The following GRID2 variants were observed in gnomAD, a reference collection of about 807,000 sequenced individuals.
GRID2 encodes the protein glutamate ionotropic receptor delta type subunit 2.
In GRID2, 33 loss-of-function variants were observed where a neutral mutation model predicts 114.8. That is an observed-to-expected ratio of 0.29 (90% CI 0.22 to 0.38). The LOEUF is 0.38. GRID2 is among the 10% of genes least tolerant of loss of function. GRID2 has a pLI of 1.00. For missense variants in GRID2, 1,184 were observed against 1,257.7 expected (o/e 0.94, Z 0.89); for synonymous variants, 505 against 449.9 (o/e 1.12, Z -1.55).
chr4:93,596,556 C>T (rs150129008), intron 13 of GRID2, among the ~76,000 whole-genome samples: 4,977 of 149,848 alleles, frequency 0.033, 263 homozygotes, highest in African/African-American at 0.11. Context: ...CCAGCCTGGG[C>T]GACAGAGTGA....
chr4:93,615,294 T>G lies in GRID2; in HGVS notation c.2194-10975T>G, dbSNP rs1461906376. On this transcript the variant is annotated intron_variant, in intron 13 of 15. Transcript: ENST00000282020. ...ATTCATCATATAAGCTAAATATATCTAAGGTGTCCACCATTTTTAAACACT... is the reference window on the plus strand; with the variant it reads ...ATTCATCATATAAGCTAAATATATCGAAGGTGTCCACCATTTTTAAACACT... Among the ~76,000 whole-genome samples the G allele has an allele frequency of 2.0e-5, 3 of 152,240 alleles. No homozygotes were observed. In the East Asian group the frequency reaches 5.8e-4, roughly 29 times the overall value.
intron 2 of GRID2, among the ~76,000 whole-genome samples, chr4:92,622,216 TATAATAACCATTTC>T (rs1218253404): frequency 6.6e-6 from 1 of 151,788 alleles, no homozygotes; most frequent in East Asian, 1.9e-4. Flanking sequence ...TAAGAGATTT[TATAATAACCATTTC>T]ATATTTTCCT....
intron 9 of GRID2, among the ~76,000 whole-genome samples, chr4:93,405,224 A>G (rs1396787883): frequency 6.6e-6 from 1 of 152,052 alleles, no homozygotes; most frequent in Non-Finnish European, 1.5e-5. Context: ...TTATAAACAG[A>G]CTCTTAAAGA....
intron 4 of GRID2, among the ~76,000 whole-genome samples, chr4:93,200,332 C>T (rs531592069): frequency 6.6e-6 from 1 of 152,146 alleles, no homozygotes; most frequent in African/African-American, 2.4e-5. Context: ...TTTGGGAGGC[C>T]GAGGCGGGCG....
intron 1 of GRID2, among the ~76,000 whole-genome samples, chr4:92,377,997 A>C (rs1729436224): frequency 6.6e-6 from 1 of 151,976 alleles, no homozygotes; most frequent in Admixed American, 6.6e-5. Flanking sequence ...TGAGCTCATT[A>C]GTTTTTTTAC....
At chr4:93,097,380 A>C (rs1731315808) in intron 3 of GRID2, among the ~76,000 whole-genome samples, 1 of 152,110 alleles carries the variant, frequency 6.6e-6, no homozygotes, top group Non-Finnish European at 1.5e-5. Flanking sequence ...GAAATATCAT[A>C]ATTTTAAACT....
Position 92,691,324 on chromosome 4 carries a change from A to T in GRID2, c.244+101038A>T, listed in dbSNP as rs1237721260. Among the ~76,000 whole-genome samples the T allele has an allele frequency of 2.0e-5, 3 of 151,946 alleles. 1 individual carries two copies. The highest frequency in any genetic ancestry group is 2.0e-4 in the Admixed American group (3 of 15,236). ...GCTTTTGCTACTTTATTATGAAGAG[A>T]CTCCAGAGGAAACAAATAACACAAG... is the stretch of plus-strand genomic sequence containing the variant. On this transcript the variant is annotated intron_variant, in intron 2 of 15. Coordinates refer to ENST00000282020, the MANE Select transcript of GRID2 (RefSeq NM_001510.4).
At chr4:93,176,486 T>G (rs1338164359) in intron 4 of GRID2, among the ~76,000 whole-genome samples, 1 of 152,188 alleles carries the variant, frequency 6.6e-6, no homozygotes, top group Non-Finnish European at 1.5e-5. Context: ...AATTTAACAT[T>G]TATCATTTCA....
At chr4:92,467,763 A>C (rs930879912) in intron 1 of GRID2, among the ~76,000 whole-genome samples, 8 of 152,064 alleles carry the variant, frequency 5.3e-5, no homozygotes, top group Non-Finnish European at 1.0e-4. Context: ...AAAATAATGC[A>C]GTGATCAATG....
chr4:93,619,971 T>G (rs1742062399), intron 13 of GRID2, among the ~76,000 whole-genome samples: 1 of 152,232 alleles, frequency 6.6e-6, no homozygotes, highest in African/African-American at 2.4e-5. Context: ...CAGAAATTTA[T>G]ATTTAATGTA....
At chr4:92,999,952 T>C (rs530645677) in intron 2 of GRID2, among the ~76,000 whole-genome samples, 1 of 151,758 alleles carries the variant, frequency 6.6e-6, no homozygotes, top group Non-Finnish European at 1.5e-5. Flanking sequence ...TCAAATAATA[T>C]TCTCCCAGGT....
At chr4:92,682,507 C>G (rs531462674) in intron 2 of GRID2, among the ~76,000 whole-genome samples, 1 of 152,272 alleles carries the variant, frequency 6.6e-6, no homozygotes, top group South Asian at 2.1e-4. Context: ...ACTTCCATTT[C>G]ATATCTTTGT....
intron 14 of GRID2, among the ~76,000 whole-genome samples, chr4:93,679,576 G>A (rs539667143): frequency 2.7e-5 from 4 of 150,776 alleles, no homozygotes; most frequent in Non-Finnish European, 4.4e-5. Context: ...ATAACAAACT[G>A]TCTCTCAGAC....
chr4:93,204,582 GACA>G (rs1742479654), intron 4 of GRID2, among the ~76,000 whole-genome samples: 1 of 152,128 alleles, frequency 6.6e-6, no homozygotes, highest in African/African-American at 2.4e-5. Context: ...CATGGCTTTA[GACA>G]ACATGTTTGT....
intron 1 of GRID2, among the ~76,000 whole-genome samples, chr4:92,469,304 A>C (rs1721905414): frequency 6.6e-6 from 1 of 152,100 alleles, no homozygotes; most frequent in Non-Finnish European, 1.5e-5. Context: ...GAGAATGAAG[A>C]AGGTTAGAAT....
intron 14 of GRID2, among the ~76,000 whole-genome samples, chr4:93,699,032 G>T (rs1451998046): frequency 6.6e-6 from 1 of 152,026 alleles, no homozygotes; most frequent in East Asian, 1.9e-4. Flanking sequence ...GCTAAGTAGG[G>T]TGCCCATCCT....
chr4:93,375,503 G>T (rs1195801460), intron 8 of GRID2, among the ~76,000 whole-genome samples: 1 of 152,024 alleles, frequency 6.6e-6, no homozygotes, highest in Admixed American at 6.6e-5. Flanking sequence ...GAGCCACCGC[G>T]CCTGGCCAGG....
At chr4:93,294,370 T>C (rs1037985223) in intron 8 of GRID2, among the ~76,000 whole-genome samples, 2 of 152,136 alleles carry the variant, frequency 1.3e-5, no homozygotes, top group African/African-American at 4.8e-5. Flanking sequence ...AGCAGAAGAA[T>C]GTTGTAATTT....
At chr4:93,409,511 GA>G in intron 9 of GRID2, among the ~76,000 whole-genome samples, 1 of 151,970 alleles carries the variant, frequency 6.6e-6, no homozygotes, top group Middle Eastern at 3.4e-3. Flanking sequence ...GTGTGGCTTG[GA>G]AAAAAAGAGA....
Sources: gnomAD v4.1 joint callset for allele counts (sites outside exome capture counted in the v4.1 genomes callset) on GRCh38, gnomAD v4.1.1 for gene constraint, MANE v1.5 for transcripts, NCBI Gene and HGNC (gene_info 2026-07-23, HGNC 2026-07-21) for gene names.